The following TMOD1 variants were observed in gnomAD, a reference collection of about 807,000 sequenced individuals.
The protein encoded by TMOD1 is tropomodulin-1.
A neutral mutation model predicts 40.6 loss-of-function variants in TMOD1; 17 were observed. The ratio of observed to expected loss-of-function variants is 0.42; its 90% CI spans 0.29 to 0.63. The LOEUF is 0.63. Ranked by LOEUF, TMOD1 falls within the 20% of genes least tolerant of loss-of-function variation. TMOD1 has a pLI of 0.22. For synonymous variants in TMOD1, 181 were observed against 175.0 expected (o/e 1.03, Z -0.27); for missense variants, 391 against 447.6 (o/e 0.87, Z 1.14).
intron 4 of TMOD1, 54 bp downstream of exon 4, chr9:97,553,454 C>A (rs1277739186): frequency 7.5e-6 from 12 of 1,610,478 alleles, no homozygotes; most frequent in Non-Finnish European, 1.0e-5. Context: ...TGACCCACAT[C>A]TGCAGGGAGC....
intron 2 of TMOD1, among the ~76,000 whole-genome samples, chr9:97,539,021 AAAACAAAAC>A (rs752684055): frequency 6.6e-6 from 1 of 151,092 alleles, no homozygotes; most frequent in Non-Finnish European, 1.5e-5. Context: ...AAAACAAAAC[AAAACAAAAC>A]AAACAAACAA....
rs1826223407 is a variant in TMOD1 at position 97,600,236 on chromosome 9, C to T, written c.*538C>T. The T allele has an allele frequency of 4.0e-6, 4 of 991,054 alleles. No homozygotes were observed. The Admixed American group carries it at 2.3e-4, about 57-fold the overall frequency. The allele number at this position is 991,054 out of a possible 1,614,324, so 61.4% of individuals were successfully genotyped here. A position where few individuals can be genotyped will look rare whatever the true frequency, so the allele number is the denominator to read the frequency against. The stretch of plus-strand genomic sequence containing the variant: ...TGGATCCAGAACACAATTTTCCCCT[C>T]AGAACAGATAGACAGACTGAAGCCA... On this transcript the variant is annotated 3_prime_UTR_variant, in exon 10 of 10. Coordinates refer to ENST00000259365, the MANE Select transcript of TMOD1 (RefSeq NM_003275.4).
chr9:97,559,787 AAAAAAAAATAT>A (rs1332855271), intron 4 of TMOD1, among the ~76,000 whole-genome samples: 1 of 50,974 alleles, frequency 2.0e-5, no homozygotes, highest in African/African-American at 8.0e-5. Flanking sequence ...AAAAAAAAAA[AAAAAAAAATAT>A]ATATATATAT....
At chr9:97,514,916 C>T (rs1009266508) in intron 1 of TMOD1, among the ~76,000 whole-genome samples, 1 of 152,178 alleles carries the variant, frequency 6.6e-6, no homozygotes, top group African/African-American at 2.4e-5. Context: ...GGCATGACTT[C>T]CTGGCCCTGC....
intron 9 of TMOD1, among the ~76,000 whole-genome samples, chr9:97,593,001 T>C (rs1826032865): frequency 6.6e-6 from 1 of 152,200 alleles, no homozygotes. Context: ...CTCACAGATG[T>C]CATAGCTAAA....
At chr9:97,570,907 C>G (rs1227935975) in intron 8 of TMOD1, among the ~76,000 whole-genome samples, 2 of 152,258 alleles carry the variant, frequency 1.3e-5, no homozygotes, top group Non-Finnish European at 2.9e-5. Flanking sequence ...GTCACATGAG[C>G]TGGCAGCAGC....
At chr9:97,510,810 CT>C (rs564824550) in intron 1 of TMOD1, among the ~76,000 whole-genome samples, 58 of 152,216 alleles carry the variant, frequency 3.8e-4, no homozygotes, top group African/African-American at 1.4e-3. Context: ...CTAGAACTCT[CT>C]TCTGCTGGTG....
At chr9:97,538,645 T>TC (rs1408642010) in intron 2 of TMOD1, among the ~76,000 whole-genome samples, 1 of 152,168 alleles carries the variant, frequency 6.6e-6, no homozygotes, top group Non-Finnish European at 1.5e-5. Flanking sequence ...AAGTAGACCT[T>TC]CCCCTCCATT....
At chr9:97,591,194 T>A (rs1825992429) in intron 8 of TMOD1, 97 bp from the exon 9 acceptor site, 1 of 1,315,316 alleles carries the variant, frequency 7.6e-7, no homozygotes, top group Non-Finnish European at 1.0e-6. Context: ...CCCCTCCCAC[T>A]ACTCAAGAGT....
intron 4 of TMOD1, among the ~76,000 whole-genome samples, chr9:97,555,889 C>G (rs1055778058): frequency 1.3e-5 from 2 of 152,194 alleles, no homozygotes; most frequent in African/African-American, 4.8e-5. Flanking sequence ...CATCATCACC[C>G]AGTGTCACCT....
At chr9:97,572,085 G>A (rs769917167) in intron 8 of TMOD1, among the ~76,000 whole-genome samples, 1 of 152,168 alleles carries the variant, frequency 6.6e-6, no homozygotes, top group Non-Finnish European at 1.5e-5. Context: ...TCTTAGTCAG[G>A]AATAGCAATC....
At chr9:97,596,308 G>A (rs1353178712) in intron 9 of TMOD1, among the ~76,000 whole-genome samples, 5 of 152,026 alleles carry the variant, frequency 3.3e-5, no homozygotes, top group East Asian at 1.9e-4. Context: ...GTCTCCTTCC[G>A]AAGCTTGCCT....
intron 8 of TMOD1, among the ~76,000 whole-genome samples, chr9:97,589,881 T>G (rs536875216): frequency 1.4e-4 from 21 of 152,100 alleles, no homozygotes; most frequent in African/African-American, 5.1e-4. Context: ...ATTATTTTAT[T>G]ATATATGGTA....
intron 1 of TMOD1, among the ~76,000 whole-genome samples, chr9:97,506,671 A>G (rs1829597024): frequency 6.6e-6 from 1 of 152,248 alleles, no homozygotes; most frequent in African/African-American, 2.4e-5. Context: ...AGGAACAGCA[A>G]GTATTGTTAC....
chr9:97,573,183 C>T (rs750093761), intron 8 of TMOD1, among the ~76,000 whole-genome samples: 15 of 152,234 alleles, frequency 9.9e-5, no homozygotes, highest in Non-Finnish European at 2.2e-4. Flanking sequence ...TCTCCACACA[C>T]GGCTTCTGTG....
In TMOD1 at chr9:97,502,773, T is replaced by C. The variant is rs1347346140; in HGVS notation, c.-49+970T>C. 6.6e-6 allele frequency among the ~76,000 whole-genome samples: 1 copy of C among 152,162 alleles called. No homozygotes were observed. Among genetic ancestry groups the C allele is most frequent in the Admixed American group, 6.5e-5 (1 of 15,276 alleles). On this transcript the variant is annotated intron_variant, in intron 1 of 9. Coordinates refer to ENST00000259365, the MANE Select transcript of TMOD1 (RefSeq NM_003275.4). The surrounding 1 kb of genome is among the most constrained non-coding windows in gnomAD (Gnocchi z 6.1). ...AGGAAGTGCACTTTTGGGGTGCCTA[T>C]GGGCATCTCTCTGCTCCGTAGCCGG...
In TMOD1 at chr9:97,599,852, T is replaced by C; in HGVS notation, c.*154T>C. 2.8e-6 allele frequency: 4 copies of C among 1,423,154 alleles called. No individual in the cohort carries two copies. Among genetic ancestry groups the C allele is most frequent in the Non-Finnish European group, 3.7e-6 (4 of 1,080,688 alleles). The allele number at this position is 1,423,154 out of a possible 1,614,324, so 88.2% of individuals were successfully genotyped here. ...AAGGTTTTAGGTTGACTAGTGGTTGTAGTTGAAAATTTTATAAAATACCGT... is the reference window on the plus strand; with the variant it reads ...AAGGTTTTAGGTTGACTAGTGGTTGCAGTTGAAAATTTTATAAAATACCGT... On this transcript the variant is annotated 3_prime_UTR_variant, in exon 10 of 10. Transcript: ENST00000259365.
intron 3 of TMOD1, among the ~76,000 whole-genome samples, chr9:97,550,937 C>T (rs1830440772): frequency 6.7e-6 from 1 of 148,636 alleles, no homozygotes; most frequent in South Asian, 2.1e-4. Flanking sequence ...ATCTAGGACT[C>T]CACTGCCAAT....
At chr9:97,526,709 G>A (rs1830020066) in intron 2 of TMOD1, among the ~76,000 whole-genome samples, 1 of 152,116 alleles carries the variant, frequency 6.6e-6, no homozygotes, top group Non-Finnish European at 1.5e-5. Flanking sequence ...TGCAGGACTA[G>A]AAGTTAGGTG....
Sources: allele counts gnomAD v4.1 joint callset (sites outside exome capture counted in the v4.1 genomes callset), GRCh38; gene constraint gnomAD v4.1.1; non-coding constraint Gnocchi (gnomAD v3.1); transcripts MANE v1.5; gene names NCBI Gene and HGNC (gene_info 2026-07-23, HGNC 2026-07-21).